NXPE2: variants seen among roughly 807,000 people sequenced by gnomAD.
The protein encoded by NXPE2 is neurexophilin and PC-esterase domain family member 2.
Under a neutral mutation model 34.4 loss-of-function variants are expected in NXPE2, and 34 were observed. The observed-to-expected ratio is 0.99, with a 90% CI of 0.75 to 1.31. The LOEUF is 1.31. Ranked by LOEUF, NXPE2 falls within the 40% of genes most tolerant of loss-of-function variation. NXPE2 has a pLI of 0.00. For missense variants in NXPE2, 649 were observed against 672.5 expected (o/e 0.97, Z 0.39); for synonymous variants, 235 against 231.3 (o/e 1.02, Z -0.15).
At chr11:114,714,999 C>T in the NXPE2 span, among the ~76,000 whole-genome samples, 1,492 of 152,106 alleles carry the variant, frequency 9.8e-3, 11 homozygotes, top group Middle Eastern at 0.024. Context: ...CCAGCCTGGG[C>T]GACAGAGAGA....
the NXPE2 span, among the ~76,000 whole-genome samples, chr11:114,590,380 C>T: frequency 6.6e-6 from 1 of 152,164 alleles, no homozygotes; most frequent in Non-Finnish European, 1.5e-5. Context: ...AGCCCATTTC[C>T]TCCTTCCCCC....
At chr11:114,768,815 A>G in the NXPE2 span, among the ~76,000 whole-genome samples, 1 of 152,046 alleles carries the variant, frequency 6.6e-6, no homozygotes, top group Admixed American at 6.6e-5. Context: ...GGGCTGAGAC[A>G]ATGGGGTTTT....
chr11:114,522,371 A>C, the NXPE2 span: 2 of 1,613,988 alleles, frequency 1.2e-6, no homozygotes, highest in African/African-American at 1.3e-5. Flanking sequence ...ATCATGATCT[A>C]TCAGAGAGTA....
chr11:114,656,303 T>A, the NXPE2 span, among the ~76,000 whole-genome samples: 1 of 152,160 alleles, frequency 6.6e-6, no homozygotes, highest in Non-Finnish European at 1.5e-5. Flanking sequence ...TGGAAAAGCA[T>A]TCAATTCTCA....
At chr11:114,744,675 T>C in the NXPE2 span, among the ~76,000 whole-genome samples, 1 of 151,990 alleles carries the variant, frequency 6.6e-6, no homozygotes, top group Non-Finnish European at 1.5e-5. Flanking sequence ...CCAGGCATAG[T>C]GGCATGCACC....
At chr11:114,556,431 G>A in the NXPE2 span, among the ~76,000 whole-genome samples, 25 of 152,090 alleles carry the variant, frequency 1.6e-4, no homozygotes, top group Non-Finnish European at 3.5e-4. Context: ...AGATTTCAGG[G>A]CTTTTTCTTC....
the NXPE2 span, among the ~76,000 whole-genome samples, chr11:114,655,143 A>G: frequency 6.6e-6 from 1 of 152,086 alleles, no homozygotes; most frequent in Non-Finnish European, 1.5e-5. Context: ...GTGTCTGTTC[A>G]TATCCTTTGC....
the NXPE2 span, among the ~76,000 whole-genome samples, chr11:114,595,917 T>C: frequency 6.6e-6 from 1 of 152,152 alleles, no homozygotes; most frequent in Non-Finnish European, 1.5e-5. Flanking sequence ...TCCTGAAGTT[T>C]TATAAGTCTA....
the NXPE2 span, among the ~76,000 whole-genome samples, chr11:114,639,810 T>TAATATAAAATATAATATATATTATGTTA: frequency 0.033 from 2,543 of 77,938 alleles, 186 homozygotes; most frequent in African/African-American, 0.11. Flanking sequence ...AAATATAAAA[T>TAATATAAAATATAATATATATTATGTTA]AATATAAAAT....
At chr11:114,490,431 A>C in the NXPE2 span, among the ~76,000 whole-genome samples, 4 of 152,238 alleles carry the variant, frequency 2.6e-5, no homozygotes, top group South Asian at 2.1e-4. Context: ...TGGAGGCATC[A>C]CGCTACCTGA....
chr11:114,609,703 G>A, the NXPE2 span, among the ~76,000 whole-genome samples: 1 of 151,268 alleles, frequency 6.6e-6, no homozygotes, highest in African/African-American at 2.4e-5. Flanking sequence ...GGTAACCACT[G>A]TTACCCGGTG....
the NXPE2 span, among the ~76,000 whole-genome samples, chr11:114,637,753 G>A: frequency 5.9e-5 from 9 of 151,596 alleles, no homozygotes; most frequent in East Asian, 3.9e-4. Context: ...GAAATTCTGG[G>A]TTGAAAATTC....
chr11:114,611,667 G>A, the NXPE2 span, among the ~76,000 whole-genome samples: 11 of 151,794 alleles, frequency 7.2e-5, no homozygotes, highest in African/African-American at 1.9e-4. Flanking sequence ...TGGATAATAC[G>A]TGTTGCCTCG....
At chr11:114,712,897 AT>A in the NXPE2 span, among the ~76,000 whole-genome samples, 1 of 152,240 alleles carries the variant, frequency 6.6e-6, no homozygotes, top group African/African-American at 2.4e-5. Context: ...CAACAGGTGA[AT>A]AGATAATGAA....
At chr11:114,812,031 C>A in the NXPE2 span, among the ~76,000 whole-genome samples, 1 of 152,140 alleles carries the variant, frequency 6.6e-6, no homozygotes, top group African/African-American at 2.4e-5. Context: ...TCAGTAGAAG[C>A]CAGTTTAATC....
chr11:114,727,668 C>A, the NXPE2 span, among the ~76,000 whole-genome samples: 1 of 151,766 alleles, frequency 6.6e-6, no homozygotes, highest in Non-Finnish European at 1.5e-5. Flanking sequence ...TTTAGATATA[C>A]TTATTAGCTG....
chr11:114,571,843 A>G, the NXPE2 span, among the ~76,000 whole-genome samples: 3 of 152,206 alleles, frequency 2.0e-5, no homozygotes, highest in Admixed American at 6.5e-5. Flanking sequence ...GCTCTCTGAG[A>G]TGCTGAAAAA....
the NXPE2 span, among the ~76,000 whole-genome samples, chr11:114,484,482 G>A: frequency 4.6e-5 from 7 of 152,082 alleles, no homozygotes; most frequent in East Asian, 1.9e-4. Context: ...TCTAGGTAGC[G>A]GGAATGCCAT....
the NXPE2 span, among the ~76,000 whole-genome samples, chr11:114,644,905 G>A: frequency 2.8e-4 from 42 of 151,798 alleles, 1 homozygote; most frequent in African/African-American, 8.0e-4. Flanking sequence ...AATTAAAAGC[G>A]CAGAACTCAA....
Sources: gnomAD v4.1 joint callset for allele counts (sites outside exome capture counted in the v4.1 genomes callset) on GRCh38, gnomAD v4.1.1 for gene constraint, MANE v1.5 for transcripts, NCBI Gene and HGNC (gene_info 2026-07-23, HGNC 2026-07-21) for gene names.